NCAN: variants seen among roughly 807,000 people sequenced by gnomAD.
NCAN encodes neurocan, also known as neurocan core protein.
Under a neutral mutation model 121.8 loss-of-function variants are expected in NCAN, and 47 were observed. The observed-to-expected ratio is 0.39, with a 90% CI of 0.31 to 0.49. The LOEUF is 0.49. NCAN is among the 20% of genes least tolerant of loss of function. The pLI is 0.92. For synonymous variants in NCAN, 633 were observed against 702.0 expected (o/e 0.90, Z 1.55); for missense variants, 1,517 against 1,773.4 (o/e 0.86, Z 2.60).
intron 13 of NCAN, among the ~76,000 whole-genome samples, chr19:19,247,346 C>CG (rs2060928122): frequency 6.6e-6 from 1 of 152,100 alleles, no homozygotes; most frequent in Admixed American, 6.6e-5. Context: ...CTCCGCCTCC[C>CG]GGGTTCACGC....
chr19:19,221,575 AAT>A (rs1264386778), intron 3 of NCAN, among the ~76,000 whole-genome samples: 125 of 151,546 alleles, frequency 8.2e-4, no homozygotes, highest in African/African-American at 2.9e-3. Flanking sequence ...TCTTAAAAAT[AAT>A]AATAATAATA....
rs371353018 is a variant in NCAN at position 19,224,093 on chromosome 19, G to A, written c.548G>A (p.Arg183His). ...TTCGCTGAGGCCCAGGAGGCCTGCC[G>A]TCTCAGCTCAGCCATCATTGCAGCC... ...LTFAEAQEAC[R>H]LSSAIIAAPR... is the part of the protein sequence containing the mutation. Residue 183 changes from arginine to histidine, a missense_variant, in exon 4 of 15, where the codon CGT (arginine) becomes CAT (histidine). By Grantham distance (29) the Arg-to-His change is conservative. Transcript: ENST00000252575. 33 of 1,606,500 alleles carry A rather than the reference G, an allele frequency of 2.1e-5. No individual in the cohort carries two copies. The highest frequency in any genetic ancestry group is 3.3e-5 in the Admixed American group (2 of 59,714).
intron 12 of NCAN, among the ~76,000 whole-genome samples, chr19:19,241,383 A>T (rs1382364377): frequency 6.6e-6 from 1 of 152,054 alleles, no homozygotes. Flanking sequence ...ACCTGTGATC[A>T]CATCACTGCA....
chr19:19,226,373 CAG>C (rs2060836839), intron 6 of NCAN, 111 bp from the exon 7 acceptor site: 1 of 846,734 alleles, frequency 1.2e-6, no homozygotes, highest in Non-Finnish European at 1.8e-6. Flanking sequence ...TTAGGAGAGA[CAG>C]AGGTACACAG....
rs557815780 is a variant in NCAN at position 19,249,976 on chromosome 19, A to G, written c.*65A>G. On this transcript the variant is annotated 3_prime_UTR_variant, in exon 15 of 15. Transcript: ENST00000252575. ...TCCTCTGGAGCCTTCGCCTGGGGAG[A>G]CAGAACCCAGAGAGAAACAAGAGAG... 5.1e-5 allele frequency: 77 copies of G among 1,512,204 alleles called. No individual in the cohort carries two copies. Among genetic ancestry groups the G allele is most frequent in the Non-Finnish European group, 6.9e-5 (76 of 1,108,054 alleles). 93.7% of individuals were successfully genotyped at this position (1,512,204 alleles called of 1,614,324 possible). A position where few individuals can be genotyped will look rare whatever the true frequency, so the allele number is the denominator to read the frequency against.
Position 19,219,228 on chromosome 19 carries a change from A to G in NCAN, c.387A>G (p.Pro129=), listed in dbSNP as rs2146537260. Residue 129 remains proline, a synonymous_variant, in exon 3 of 15, where the codon CCA becomes CCG. Coordinates refer to ENST00000252575, the MANE Select transcript of NCAN (RefSeq NM_004386.3). ...CCAACGCCACGCTACTTCTGGGGCC[A>G]CTGAGGGCCAGTGACTCTGGGCTGT... is the stretch of plus-strand genomic sequence containing the variant. ...RRANATLLLG[P]LRASDSGLYR... The G allele has an allele frequency of 6.2e-7, 1 of 1,607,534 alleles. No homozygotes were observed. Among genetic ancestry groups the G allele is most frequent in the Non-Finnish European group, 8.5e-7 (1 of 1,179,588 alleles).
At chr19:19,234,213 T>C (rs1331169885) in intron 9 of NCAN, among the ~76,000 whole-genome samples, 1 of 152,186 alleles carries the variant, frequency 6.6e-6, no homozygotes. Flanking sequence ...TCCTGCCCTT[T>C]CCTGGGTCGG....
chr19:19,248,840 A>C lies in NCAN; in HGVS notation c.3778A>C (p.Ser1260Arg). The C allele has an allele frequency of 1.2e-6, 2 of 1,614,204 alleles. No individual in the cohort carries two copies. Among genetic ancestry groups the C allele is most frequent in the Non-Finnish European group, 1.7e-6 (2 of 1,180,030 alleles). The change falls in exon 14 of 15, where the codon AGC (serine) becomes CGC (arginine). Residue 1260 changes from serine to arginine, a missense_variant. Ser to Arg is a moderately radical substitution (Grantham distance 110). Coordinates refer to ENST00000252575, the MANE Select transcript of NCAN (RefSeq NM_004386.3). ...QHHVATIRCR[S>R]NGKWDRPQIV... ...CCATGTGGCCACCATTCGATGCCGGAGCAATGGCAAGTGGGACAGGCCCCA... is the reference window on the plus strand; with the variant it reads ...CCATGTGGCCACCATTCGATGCCGGCGCAATGGCAAGTGGGACAGGCCCCA...
chr19:19,228,450 G>C lies in NCAN; in HGVS notation c.2830G>C (p.Val944Leu). 1 of 1,613,664 alleles carries C rather than the reference G, an allele frequency of 6.2e-7. No individual in the cohort carries two copies. Among genetic ancestry groups the C allele is most frequent in the Non-Finnish European group, 8.5e-7 (1 of 1,180,024 alleles). ...TAASVGESAS[V>L]SSGEPTVPWD... ...AGCCAGTGTGGGCGAGTCTGCCTCA[G>C]TTTCCTCAGGGGAGCCTACGGTACC... is the stretch of plus-strand genomic sequence containing the variant. The change falls in exon 8 of 15, where the codon GTT becomes CTT. Residue 944 changes from valine (V) to leucine (L), a missense_variant. Val to Leu is a conservative substitution (Grantham distance 32). Coordinates refer to ENST00000252575, the MANE Select transcript of NCAN (RefSeq NM_004386.3).
chr19:19,249,145 C>T (rs778888347), intron 14 of NCAN: 19 of 382,546 alleles, frequency 5.0e-5, no homozygotes, highest in African/African-American at 2.9e-4. Flanking sequence ...GGCACAATCT[C>T]GGCTCACTGC....
chr19:19,236,422 A>G (rs2060881411), intron 10 of NCAN, among the ~76,000 whole-genome samples: 1 of 151,924 alleles, frequency 6.6e-6, no homozygotes. Context: ...TCATGGTTTG[A>G]TGGATATTTG....
rs1266551175 is a variant in NCAN, at chr19:19,218,567, G to A, written c.74-348G>A. On this transcript the variant is annotated intron_variant, in intron 2 of 14. Coordinates refer to ENST00000252575, the MANE Select transcript of NCAN (RefSeq NM_004386.3). Reference sequence around the variant, plus strand: ...GGCTCACCGCAACCTCTGCCTCCCGGGTTCAAGCGATTCTCCTGCCTCAGC... The same window carrying A: ...GGCTCACCGCAACCTCTGCCTCCCGAGTTCAAGCGATTCTCCTGCCTCAGC... Among the ~76,000 whole-genome samples, 9 of 151,958 alleles carry A rather than the reference G, an allele frequency of 5.9e-5. 1 individual carries two copies. Among genetic ancestry groups the A allele is most frequent in the Admixed American group, 5.9e-4 (9 of 15,258 alleles).
chr19:19,223,772 C>T (rs1167821382), intron 3 of NCAN, among the ~76,000 whole-genome samples: 1 of 152,174 alleles, frequency 6.6e-6, no homozygotes, highest in Non-Finnish European at 1.5e-5. Flanking sequence ...CATGCCTGAA[C>T]GGCCGTAAAC....
intron 3 of NCAN, 61 bp downstream of exon 3, chr19:19,219,377 C>T (rs2060807722): frequency 7.0e-6 from 10 of 1,418,796 alleles, no homozygotes; most frequent in Non-Finnish European, 9.3e-6. Context: ...GCCTGGAGCC[C>T]ACCCACTGAA....
chr19:19,250,524 C>A lies in NCAN; in HGVS notation c.*613C>A. The A allele has an allele frequency of 4.0e-6, 1 of 251,184 alleles. No homozygotes were observed. Among genetic ancestry groups the A allele is most frequent in the South Asian group, 5.1e-5 (1 of 19,506 alleles). The allele number at this position is 251,184 out of a possible 1,614,324, so 15.6% of individuals were successfully genotyped here. A position where few individuals can be genotyped will look rare whatever the true frequency, so the allele number is the denominator to read the frequency against. On this transcript the variant is annotated 3_prime_UTR_variant, in exon 15 of 15. Coordinates refer to ENST00000252575, the MANE Select transcript of NCAN (RefSeq NM_004386.3). The stretch of plus-strand genomic sequence containing the variant: ...CATTTTAGGGATGTTTTTAGGACAA[C>A]CTCCCTCCATGCCTTCAGAGTTAGG...
At position 19,219,307 on chromosome 19, in the gene NCAN, G is replaced by C; in HGVS notation, c.466G>C (p.Glu156Gln). 6.5e-7 allele frequency: 1 copy of C among 1,543,194 alleles called. No homozygotes were observed. Among genetic ancestry groups the C allele is most frequent in the Non-Finnish European group, 8.7e-7 (1 of 1,147,778 alleles). ...IEDEQDLVPL[E>Q]VTGVVFHYRS... The stretch of plus-strand genomic sequence containing the variant: ...GGATGAGCAGGACCTGGTGCCCTTG[G>C]AGGTGACAGGTCAGTTGGGGGCAAA... Residue 156 changes from glutamate (E) to glutamine (Q), a missense_variant, in exon 3 of 15, where the codon GAG becomes CAG. Glu to Gln is a conservative substitution (Grantham distance 29). Coordinates refer to ENST00000252575, the MANE Select transcript of NCAN (RefSeq NM_004386.3).
chr19:19,224,512 G>A (rs967893591), intron 5 of NCAN, 79 bp downstream of exon 5: 1 of 1,537,568 alleles, frequency 6.5e-7, no homozygotes, highest in South Asian at 1.2e-5. Flanking sequence ...CCATCCTCCG[G>A]GGTCCTTATG....
intron 10 of NCAN, among the ~76,000 whole-genome samples, chr19:19,238,052 G>GA (rs1282987950): frequency 6.6e-6 from 1 of 151,654 alleles, no homozygotes; most frequent in Non-Finnish European, 1.5e-5. Flanking sequence ...AAAAAAAAAA[G>GA]AAAAAAAAGA....
In NCAN at chr19:19,235,011, T is replaced by C; in HGVS notation, c.3165T>C (p.Cys1055=). The change falls in exon 10 of 15, where the codon TGT becomes TGC. Residue 1055 remains cysteine, a synonymous_variant. Coordinates refer to ENST00000252575, the MANE Select transcript of NCAN (RefSeq NM_004386.3). ...TTGATGACTGCCTCTGCAGCCCCTG[T>C]GAGAATGGAGGCACCTGTATTGATG... is the stretch of plus-strand genomic sequence containing the variant. ...IDIDDCLCSP[C]ENGGTCIDEV... 1 of 1,611,864 alleles carries C rather than the reference T, an allele frequency of 6.2e-7. No individual in the cohort carries two copies. The highest frequency in any genetic ancestry group is 1.1e-5 in the South Asian group (1 of 90,842).
Sources: gnomAD v4.1 joint callset for allele counts (sites outside exome capture counted in the v4.1 genomes callset) on GRCh38, gnomAD v4.1.1 for gene constraint, MANE v1.5 for transcripts, NCBI Gene and HGNC (gene_info 2026-07-23, HGNC 2026-07-21) for gene names.